Variants in DGKD observed in about 807,000 individuals in gnomAD.
DGKD encodes the protein DAG kinase delta.
Under a neutral mutation model 154.4 loss-of-function variants are expected in DGKD, and 68 were observed. The ratio of observed to expected loss-of-function variants is 0.44; its 90% CI spans 0.36 to 0.54. The LOEUF is 0.54. DGKD is among the 20% of genes least tolerant of loss of function. DGKD has a pLI of 0.00. For missense variants in DGKD, 1,343 were observed against 1,593.6 expected (o/e 0.84, Z 2.68); for synonymous variants, 693 against 638.0 (o/e 1.09, Z -1.30).
intron 1 of DGKD, among the ~76,000 whole-genome samples, chr2:233,360,328 A>G (rs1267308718): frequency 1.3e-5 from 2 of 152,142 alleles, no homozygotes; most frequent in Middle Eastern, 3.4e-3. Context: ...GCAGTGGCAT[A>G]CTGCAGTCTC....
chr2:233,359,331 T>A (rs1419796215), intron 1 of DGKD, among the ~76,000 whole-genome samples: 1 of 152,186 alleles, frequency 6.6e-6, no homozygotes, highest in South Asian at 2.1e-4. Flanking sequence ...TCAGTTTCCA[T>A]GTCTGTAAAA....
In DGKD at chr2:233,452,049, A is replaced by G. The variant is rs1438278960; in HGVS notation, c.2253A>G (p.Glu751=). Reference sequence around the variant, plus strand: ...TTAATGCTGATCCCTTCAACTCTGAACCAGAAACCCTGTGAGTATGAGGGA... The same window carrying G: ...TTAATGCTGATCCCTTCAACTCTGAGCCAGAAACCCTGTGAGTATGAGGGA... ...LLINADPFNS[E]PETLEYYTEK... Residue 751 remains glutamate (E), a synonymous_variant, in exon 18 of 30, where the codon GAA becomes GAG. Transcript: ENST00000264057. This position sits in a 1 kb window ranked among gnomAD's most constrained non-coding sequence, Gnocchi z 4.0. 2 of 1,613,948 alleles carry G rather than the reference A, an allele frequency of 1.2e-6. No individual in the cohort carries two copies. The highest frequency in any genetic ancestry group is 1.7e-5 in the Admixed American group (1 of 60,008).
intron 12 of DGKD, chr2:233,447,823 G>A (rs1263722762): frequency 4.7e-6 from 6 of 1,279,386 alleles, no homozygotes; most frequent in Non-Finnish European, 5.0e-6. Context: ...CACAGGCCGT[G>A]CTGGGATCGC....
chr2:233,358,884 C>T (rs948568294), intron 1 of DGKD, among the ~76,000 whole-genome samples: 2 of 152,132 alleles, frequency 1.3e-5, no homozygotes, highest in Non-Finnish European at 2.9e-5. Context: ...TTTGTGTGGA[C>T]ATAGGTTTTC....
At chr2:233,367,788 C>T (rs185968624) in intron 1 of DGKD, among the ~76,000 whole-genome samples, 11 of 151,970 alleles carry the variant, frequency 7.2e-5, no homozygotes, top group Admixed American at 3.3e-4. Context: ...TCAGGCTGTC[C>T]CCCTCTGCTG....
chr2:233,413,809 T>C (rs1361038845), intron 3 of DGKD, among the ~76,000 whole-genome samples: 1 of 152,266 alleles, frequency 6.6e-6, no homozygotes, highest in Admixed American at 6.5e-5. Flanking sequence ...TGCCCAGCAC[T>C]GGTACACAGA....
At chr2:233,384,522 C>T (rs1257708002) in intron 1 of DGKD, among the ~76,000 whole-genome samples, 1 of 152,122 alleles carries the variant, frequency 6.6e-6, no homozygotes, top group Non-Finnish European at 1.5e-5. Flanking sequence ...CTGACGTCCT[C>T]GAGGCCCGCA....
At chr2:233,406,300 A>T (rs1177362500) in intron 3 of DGKD, among the ~76,000 whole-genome samples, 1 of 152,240 alleles carries the variant, frequency 6.6e-6, no homozygotes, top group Non-Finnish European at 1.5e-5. Flanking sequence ...ATAAGGTCAC[A>T]TTCACAGGTT....
intron 3 of DGKD, among the ~76,000 whole-genome samples, chr2:233,413,194 T>C (rs751513706): frequency 6.6e-5 from 10 of 152,204 alleles, no homozygotes; most frequent in Non-Finnish European, 1.2e-4. Context: ...GGCTAGGAGT[T>C]CAAGACTGGC....
chr2:233,445,997 A>G lies in DGKD; in HGVS notation c.1334+235A>G, dbSNP rs906452787. On this transcript the variant is annotated intron_variant, in intron 11 of 29. Coordinates refer to ENST00000264057, the MANE Select transcript of DGKD (RefSeq NM_152879.3). This position sits in a 1 kb window ranked among gnomAD's most constrained non-coding sequence, Gnocchi z 5.5. ...CCTAGGATGATCCAGTCTTCCCAGA[A>G]GGCCAAGCCTGAGTGTGTCAGGGCC... Among the ~76,000 whole-genome samples, 5 of 152,242 alleles carry G rather than the reference A, an allele frequency of 3.3e-5. No homozygotes were observed. The highest frequency in any genetic ancestry group is 7.3e-5 in the Non-Finnish European group (5 of 68,034).
chr2:233,378,104 G>A (rs1702678925), intron 1 of DGKD, among the ~76,000 whole-genome samples: 1 of 149,636 alleles, frequency 6.7e-6, no homozygotes, highest in African/African-American at 2.5e-5. Flanking sequence ...ACCACGCCCA[G>A]CTATTTTTTT....
chr2:233,450,935 G>A lies in DGKD; in HGVS notation c.2052G>A (p.Pro684=), dbSNP rs370757617. The stretch of plus-strand genomic sequence containing the variant: ...GTGTTGTTACAGTGTCGAAATCTCC[G>A]TGTGAAAAGCTGATCAGCAAAGGGA... ...GRSQRKVSKS[P]CEKLISKGSL... is the part of the protein sequence containing the mutation. The change falls in exon 17 of 30, where the codon CCG becomes CCA. Residue 684 remains proline (P), a synonymous_variant. Transcript: ENST00000264057. The A allele has an allele frequency of 2.1e-5, 34 of 1,601,956 alleles. 1 individual carries two copies. The highest frequency in any genetic ancestry group is 8.8e-5 in the South Asian group (8 of 90,820).
In DGKD at chr2:233,445,498, G is replaced by T. The variant is rs533009454; in HGVS notation, c.1195-125G>T. On this transcript the variant is annotated intron_variant, in intron 10 of 29. Transcript: ENST00000264057. This position sits in a 1 kb window ranked among gnomAD's most constrained non-coding sequence, Gnocchi z 5.5. ...CTGCCTGTAATGTGTAAGCTGCGTGGTTTTAGGTCACGTCCCCACATTGCT... is the reference window on the plus strand; with the variant it reads ...CTGCCTGTAATGTGTAAGCTGCGTGTTTTTAGGTCACGTCCCCACATTGCT... The T allele has an allele frequency of 2.2e-6, 3 of 1,384,848 alleles. No homozygotes were observed. The Admixed American group carries it at 7.6e-5, about 35-fold the overall frequency. The allele number at this position is 1,384,848 out of a possible 1,614,324, so 85.8% of individuals were successfully genotyped here.
At chr2:233,387,558 G>C (rs1703266404) in intron 1 of DGKD, among the ~76,000 whole-genome samples, 1 of 152,212 alleles carries the variant, frequency 6.6e-6, no homozygotes, top group Non-Finnish European at 1.5e-5. Context: ...GAGAAGTAGA[G>C]CCCCCTTCAT....
chr2:233,453,156 G>A (rs62195091), intron 18 of DGKD, among the ~76,000 whole-genome samples: 3 of 152,106 alleles, frequency 2.0e-5, no homozygotes, highest in Admixed American at 6.5e-5. Context: ...TTGCTCAGCT[G>A]GGTGGTCTCA....
At position 233,354,532 on chromosome 2, in the gene DGKD, CG is replaced by C; in HGVS notation, c.17del (p.Gly6AlafsTer55). The C allele has an allele frequency of 1.0e-6, 1 of 990,034 alleles. No homozygotes were observed. Among genetic ancestry groups the C allele is most frequent in the Non-Finnish European group, 1.2e-6 (1 of 834,880 alleles). 61.3% of individuals were successfully genotyped at this position (990,034 alleles called of 1,614,324 possible). On this transcript the variant is annotated frameshift_variant, in exon 1 of 30. Coordinates refer to ENST00000264057, the MANE Select transcript of DGKD (RefSeq NM_152879.3). LOFTEE classifies it high-confidence loss of function. This position sits in a 1 kb window ranked among gnomAD's most constrained non-coding sequence, Gnocchi z 4.8. MAAA[A>X]GAPPPGPPQP... Reference sequence around the variant, plus strand: ...TGGCCCGGCAGCATGGCGGCGGCGGCGGGCGCCCCTCCGCCGGGTCCCCCGC... The same window carrying C: ...TGGCCCGGCAGCATGGCGGCGGCGGCGGCGCCCCTCCGCCGGGTCCCCCGC...
intron 3 of DGKD, among the ~76,000 whole-genome samples, chr2:233,398,174 G>A (rs1329173506): frequency 4.2e-5 from 6 of 142,702 alleles, no homozygotes; most frequent in Non-Finnish European, 9.0e-5. Flanking sequence ...ATGGAGTCTC[G>A]CTCTGTTGCC....
At chr2:233,385,899 T>C (rs1382736870) in intron 1 of DGKD, 8 of 399,452 alleles carry the variant, frequency 2.0e-5, no homozygotes, top group South Asian at 5.0e-5. Context: ...CACCAGTCTT[T>C]TTCTGAGCAC....
intron 3 of DGKD, among the ~76,000 whole-genome samples, chr2:233,420,113 A>AT (rs1056126277): frequency 1.4e-4 from 22 of 152,288 alleles, no homozygotes; most frequent in Middle Eastern, 3.4e-3. Context: ...GGTGGGGTGT[A>AT]TAAAAGCCCT....
Sources: gnomAD v4.1 joint callset for allele counts (sites outside exome capture counted in the v4.1 genomes callset) on GRCh38, gnomAD v4.1.1 for gene constraint, Gnocchi (gnomAD v3.1) non-coding constraint, MANE v1.5 for transcripts, NCBI Gene and HGNC (gene_info 2026-07-23, HGNC 2026-07-21) for gene names.